The following VPS13B variants were observed in gnomAD, a reference collection of about 807,000 sequenced individuals.
VPS13B encodes vacuolar protein sorting 13 homolog B.
Under a neutral mutation model 426.4 loss-of-function variants are expected in VPS13B, and 285 were observed. That is an observed-to-expected ratio of 0.67 (90% confidence interval 0.61 to 0.74). The LOEUF is 0.74. VPS13B is among the 30% of genes least tolerant of loss of function. The pLI, the probability that VPS13B is intolerant of heterozygous loss-of-function variation, is 0.00. For synonymous variants in VPS13B, 1,676 were observed against 1,676.4 expected (o/e 1.00, Z 0.01); for missense variants, 4,537 against 4,782.6 (o/e 0.95, Z 1.51).
chr8:99,481,527 T>C lies in VPS13B; in HGVS notation c.3667-72T>C, dbSNP rs1820037385. ...TTCTCTGGAATAGTTAATTTTCTCA[T>C]ATTATTATTTTAGTGGATTGAAACT... On this transcript the variant is annotated intron_variant, in intron 24 of 61. Coordinates refer to ENST00000357162, the MANE Select transcript of VPS13B (RefSeq NM_152564.5). 10 of 1,465,804 alleles carry C rather than the reference T, an allele frequency of 6.8e-6. No individual in the cohort carries two copies. The South Asian group carries it at 1.0e-4, about 15-fold the overall frequency. 90.8% of individuals were successfully genotyped at this position (1,465,804 alleles called of 1,614,324 possible). A position where few individuals can be genotyped will look rare whatever the true frequency, so the allele number is the denominator to read the frequency against.
chr8:99,478,847 AC>A (rs1365172430), intron 24 of VPS13B, among the ~76,000 whole-genome samples: 2 of 150,760 alleles, frequency 1.3e-5, no homozygotes, highest in Non-Finnish European at 1.5e-5. Context: ...AAAAAAAAAA[AC>A]AAGTTTCTGA....
At chr8:99,711,771 C>T (rs2130277087) in intron 36 of VPS13B, among the ~76,000 whole-genome samples, 1 of 152,230 alleles carries the variant, frequency 6.6e-6, no homozygotes, top group South Asian at 2.1e-4. Flanking sequence ...AATACATTGC[C>T]AAGAGAAAAT....
chr8:99,304,150 C>T (rs1318518364), intron 19 of VPS13B, among the ~76,000 whole-genome samples: 3 of 152,026 alleles, frequency 2.0e-5, no homozygotes, highest in African/African-American at 7.2e-5. Flanking sequence ...GTATCTGTCT[C>T]AGGGTTGTCA....
chr8:99,356,017 A>G (rs1812163041), intron 19 of VPS13B, among the ~76,000 whole-genome samples: 1 of 152,180 alleles, frequency 6.6e-6, no homozygotes, highest in Non-Finnish European at 1.5e-5. Context: ...CCCACGTCAT[A>G]TCATTGTATC....
At chr8:99,610,589 G>A (rs1588548022) in intron 33 of VPS13B, among the ~76,000 whole-genome samples, 2 of 151,994 alleles carry the variant, frequency 1.3e-5, no homozygotes, top group Non-Finnish European at 1.5e-5. Flanking sequence ...GCCTGTCAGG[G>A]GGTGGGGGGC....
intron 33 of VPS13B, among the ~76,000 whole-genome samples, chr8:99,584,919 T>A (rs1001472894): frequency 2.0e-5 from 3 of 152,136 alleles, no homozygotes; most frequent in African/African-American, 7.2e-5. Context: ...TAATAAATAT[T>A]TGGAACTACC....
At chr8:99,196,812 C>T (rs1813963909) in intron 17 of VPS13B, among the ~76,000 whole-genome samples, 1 of 152,022 alleles carries the variant, frequency 6.6e-6, no homozygotes. Flanking sequence ...ATTACAATGC[C>T]TTTTCTTTCT....
chr8:99,373,607 T>C (rs928888661), intron 19 of VPS13B, among the ~76,000 whole-genome samples: 1 of 152,204 alleles, frequency 6.6e-6, no homozygotes, highest in African/African-American at 2.4e-5. Flanking sequence ...CTCAGCACTT[T>C]GGGAGGCTGA....
rs141746306 is a variant in VPS13B at position 99,354,238 on chromosome 8, G to A, written c.2825-29970G>A. Among the ~76,000 whole-genome samples the A allele has an allele frequency of 8.6e-4, 100 of 116,802 alleles. No homozygotes were observed. In the East Asian group the frequency reaches 0.025, roughly 29 times the overall value. 76.6% of individuals were successfully genotyped at this position (116,802 alleles called of 152,430 possible). A position where few individuals can be genotyped will look rare whatever the true frequency, so the allele number is the denominator to read the frequency against. ...CAACTTTTAGGGAAAATCGTTGTGA[G>A]CATTCTACTGTAGCCCCCTCCCCCT... On this transcript the variant is annotated intron_variant, in intron 19 of 61. Transcript: ENST00000357162.
intron 23 of VPS13B, among the ~76,000 whole-genome samples, chr8:99,466,682 T>C (rs1171225381): frequency 6.6e-6 from 1 of 152,140 alleles, no homozygotes; most frequent in Non-Finnish European, 1.5e-5. Context: ...TGCATTTTAT[T>C]TAAAAATAAC....
At chr8:99,313,792 T>A (rs758848149) in intron 19 of VPS13B, among the ~76,000 whole-genome samples, 21 of 152,294 alleles carry the variant, frequency 1.4e-4, no homozygotes, top group Middle Eastern at 3.4e-3. Context: ...CACGCAGGCT[T>A]CCTTGAACTT....
At chr8:99,030,461 AGTGTGTGT>A (rs34944940) in intron 2 of VPS13B, among the ~76,000 whole-genome samples, 11 of 144,882 alleles carry the variant, frequency 7.6e-5, no homozygotes, top group Admixed American at 4.8e-4. Flanking sequence ...TGAGTGAGTG[AGTGTGTGT>A]GTGTGTGTGT....
intron 33 of VPS13B, among the ~76,000 whole-genome samples, chr8:99,606,501 AAAAAAAAAAAAAAG>A (rs1200716836): frequency 5.4e-5 from 8 of 148,762 alleles, no homozygotes. Flanking sequence ...TCAGTTTCAA[AAAAAAAAAAAAAAG>A]AAAAAAGAAA....
intron 23 of VPS13B, among the ~76,000 whole-genome samples, chr8:99,448,604 C>T: frequency 6.6e-6 from 1 of 152,150 alleles, no homozygotes; most frequent in Middle Eastern, 3.2e-3. Flanking sequence ...TTCCAGTTTT[C>T]ACACAGCCCT....
At chr8:99,729,895 GACTTTA>G (rs1833519063) in intron 39 of VPS13B, among the ~76,000 whole-genome samples, 2 of 152,122 alleles carry the variant, frequency 1.3e-5, no homozygotes, top group Non-Finnish European at 2.9e-5. Context: ...CTTTAAATTT[GACTTTA>G]CAAGCTTCCC....
intron 17 of VPS13B, among the ~76,000 whole-genome samples, chr8:99,225,593 C>T (rs1317727215): frequency 6.6e-6 from 1 of 152,154 alleles, no homozygotes; most frequent in Non-Finnish European, 1.5e-5. Flanking sequence ...TTATGTAAAA[C>T]ACCTAGGAAT....
At position 99,594,220 on chromosome 8, in the gene VPS13B, AG is replaced by A. The variant is rs1413210965; in HGVS notation, c.5220+16588del. Among the ~76,000 whole-genome samples the A allele has an allele frequency of 3.9e-5, 6 of 152,106 alleles. No individual in the cohort carries two copies. In the East Asian group the frequency reaches 1.2e-3, roughly 29 times the overall value. On this transcript the variant is annotated intron_variant, in intron 33 of 61. Coordinates refer to ENST00000357162, the MANE Select transcript of VPS13B (RefSeq NM_152564.5). ...TGTAAGAAAGAAAACATAGTGGTCAAGAACTTGAGCTTTGTTGTTGGAGTCC... is the reference window on the plus strand; with the variant it reads ...TGTAAGAAAGAAAACATAGTGGTCAAAACTTGAGCTTTGTTGTTGGAGTCC...
At chr8:99,430,235 C>T (rs1475838033) in intron 21 of VPS13B, among the ~76,000 whole-genome samples, 4 of 152,034 alleles carry the variant, frequency 2.6e-5, no homozygotes, top group African/African-American at 9.7e-5. Flanking sequence ...TATCAATGCT[C>T]ATATATTAAC....
At chr8:99,807,415 C>T (rs1330675174) in intron 43 of VPS13B, among the ~76,000 whole-genome samples, 2 of 148,806 alleles carry the variant, frequency 1.3e-5, no homozygotes, top group East Asian at 3.9e-4. Flanking sequence ...AGTACCTTGC[C>T]TCATTATTTT....
Sources: gnomAD v4.1 joint callset for allele counts (sites outside exome capture counted in the v4.1 genomes callset) on GRCh38, gnomAD v4.1.1 for gene constraint, MANE v1.5 for transcripts, NCBI Gene and HGNC (gene_info 2026-07-23, HGNC 2026-07-21) for gene names.